F13A1: variants seen among roughly 807,000 people sequenced by gnomAD.
F13A1 encodes FSF, A subunit.
A neutral mutation model predicts 80.1 loss-of-function variants in F13A1; 47 were observed. That is an observed-to-expected ratio of 0.59 (90% CI 0.46 to 0.75). The LOEUF (loss-of-function observed/expected upper bound fraction) is 0.75. F13A1 is among the 30% of genes least tolerant of loss of function. The pLI is 0.00. For missense variants in F13A1, 817 were observed against 930.4 expected (o/e 0.88, Z 1.59); for synonymous variants, 349 against 344.9 (o/e 1.01, Z -0.13).
At chr6:6,147,792 A>G (rs1485150657) in intron 14 of F13A1, among the ~76,000 whole-genome samples, 4 of 152,262 alleles carry the variant, frequency 2.6e-5, no homozygotes, top group Admixed American at 2.6e-4. Flanking sequence ...ATACTCATAC[A>G]TGAAGATACG....
At chr6:6,173,075 G>A (rs1052778457) in intron 12 of F13A1, among the ~76,000 whole-genome samples, 2 of 151,982 alleles carry the variant, frequency 1.3e-5, no homozygotes, top group Admixed American at 1.3e-4. Flanking sequence ...CCAAAGTATC[G>A]AGGTCCTTTG....
intron 3 of F13A1, among the ~76,000 whole-genome samples, chr6:6,282,177 T>C (rs184389859): frequency 7.4e-4 from 113 of 152,290 alleles, no homozygotes; most frequent in African/African-American, 2.4e-3. Flanking sequence ...TTCTAAATAC[T>C]ACTTTCTATT....
intron 2 of F13A1, among the ~76,000 whole-genome samples, chr6:6,316,814 G>A (rs140089495): frequency 6.6e-6 from 1 of 152,154 alleles, no homozygotes; most frequent in Non-Finnish European, 1.5e-5. Flanking sequence ...AGTAGGCATT[G>A]CTTCCATTTT....
intron 13 of F13A1, among the ~76,000 whole-genome samples, chr6:6,153,492 T>C (rs551595079): frequency 7.1e-4 from 108 of 152,376 alleles, no homozygotes; most frequent in Admixed American, 6.9e-3. Flanking sequence ...TTTATGGCTA[T>C]GGGATTTCTT....
intron 4 of F13A1, among the ~76,000 whole-genome samples, chr6:6,252,312 G>T (rs569349235): frequency 7.1e-5 from 10 of 141,154 alleles, no homozygotes; most frequent in Non-Finnish European, 1.2e-4. Flanking sequence ...AATTAAAGAT[G>T]GTTCATTAGA....
chr6:6,290,383 A>C (rs1758206436), intron 3 of F13A1, among the ~76,000 whole-genome samples: 1 of 152,210 alleles, frequency 6.6e-6, no homozygotes, highest in African/African-American at 2.4e-5. Flanking sequence ...AATAGAGGTA[A>C]TATGCCTCTA....
intron 13 of F13A1, among the ~76,000 whole-genome samples, chr6:6,158,230 G>A (rs1165068889): frequency 6.6e-6 from 1 of 152,120 alleles, no homozygotes; most frequent in Non-Finnish European, 1.5e-5. Context: ...ACATAACTGA[G>A]GTGACTGGGA....
intron 2 of F13A1, 180 bp from the exon 3 acceptor site, chr6:6,305,719 T>C (rs938266235): frequency 9.3e-6 from 6 of 641,748 alleles, no homozygotes; most frequent in Non-Finnish European, 1.6e-5. Flanking sequence ...GTGACATTCT[T>C]GTTTTTGAAG....
At chr6:6,153,980 G>T (rs915358010) in intron 13 of F13A1, among the ~76,000 whole-genome samples, 1 of 152,122 alleles carries the variant, frequency 6.6e-6, no homozygotes, top group Non-Finnish European at 1.5e-5. Context: ...TAACTTGAAT[G>T]AGGATTTGAA....
rs139484210 is a variant in F13A1 at position 6,169,020 on chromosome 6, T to C, written c.1748-1402A>G. 1.6e-3 allele frequency among the ~76,000 whole-genome samples: 239 copies of C among 152,326 alleles called. 1 individual carries two copies. Among genetic ancestry groups the C allele is most frequent in the Admixed American group, 2.5e-3 (38 of 15,296 alleles). On this transcript the variant is annotated intron_variant, in intron 12 of 14. Transcript: ENST00000264870. ...AAGTGCTGTGCCTTGCTTCCAGGAC[T>C]TCTGATTGAAGAGTTCTCAGTCATG...
In F13A1 at chr6:6,222,146, T is replaced by G; in HGVS notation, c.999A>C (p.Ala333=). The G allele has an allele frequency of 6.2e-7, 1 of 1,614,100 alleles. No homozygotes were observed. The highest frequency in any genetic ancestry group is 8.5e-7 in the Non-Finnish European group (1 of 1,179,928). ...NTFLRCLGIP[A]RIVTNYFSAH... The stretch of plus-strand genomic sequence containing the variant: ...CAGAGAAATAATTGGTAACAATTCT[T>G]GCTGGTATTCCAAGGCATCGTAAAA... The change falls in exon 8 of 15, where the codon GCA becomes GCC. Residue 333 remains alanine (A), a synonymous_variant. Transcript: ENST00000264870.
chr6:6,290,181 A>G (rs1395584026), intron 3 of F13A1, among the ~76,000 whole-genome samples: 1 of 152,248 alleles, frequency 6.6e-6, no homozygotes, highest in Admixed American at 6.5e-5. Flanking sequence ...ATATCTGAAA[A>G]ATAAATATAA....
chr6:6,278,400 T>C lies in F13A1; in HGVS notation c.320-11591A>G, dbSNP rs544452882. Among the ~76,000 whole-genome samples the C allele has an allele frequency of 3.9e-5, 6 of 152,154 alleles. No individual in the cohort carries two copies. The South Asian group carries it at 1.2e-3, about 32-fold the overall frequency. On this transcript the variant is annotated intron_variant, in intron 3 of 14. Transcript: ENST00000264870. Reference sequence around the variant, plus strand: ...AAGAGACTTGAGAAAAGTGAGGGAATGAGCAGTGCAAATATCAGGGGACAG... The same window carrying C: ...AAGAGACTTGAGAAAAGTGAGGGAACGAGCAGTGCAAATATCAGGGGACAG...
In F13A1 at chr6:6,190,923, G is replaced by T. The variant is rs369537142; in HGVS notation, c.1305+4874C>A. Among the ~76,000 whole-genome samples, 348 of 148,784 alleles carry T rather than the reference G, an allele frequency of 2.3e-3. 1 individual carries two copies. The highest frequency in any genetic ancestry group is 7.9e-3 in the African/African-American group (315 of 40,104). ...CGAGCCAGGTGCGGGATATAATCTC[G>T]TGGTGCGCCGTTTTTTAAGCCCGTC... On this transcript the variant is annotated intron_variant, in intron 10 of 14. Coordinates refer to ENST00000264870, the MANE Select transcript of F13A1 (RefSeq NM_000129.4).
chr6:6,318,737 A>G, intron 1 of F13A1, 55 bp from the exon 2 acceptor site: 4 of 1,566,602 alleles, frequency 2.6e-6, no homozygotes, highest in Non-Finnish European at 3.5e-6. Flanking sequence ...AGTGAGTAAC[A>G]TTTGAGACAA....
At chr6:6,218,030 C>G (rs574646081) in intron 8 of F13A1, among the ~76,000 whole-genome samples, 2 of 152,254 alleles carry the variant, frequency 1.3e-5, no homozygotes, top group East Asian at 1.9e-4. Context: ...CACTGCTCCC[C>G]CTGTGGGTGG....
At chr6:6,272,886 T>C (rs1757941595) in intron 3 of F13A1, among the ~76,000 whole-genome samples, 1 of 152,194 alleles carries the variant, frequency 6.6e-6, no homozygotes, top group Non-Finnish European at 1.5e-5. Flanking sequence ...GAATAATAAA[T>C]TTTGTCATGC....
chr6:6,156,533 G>A (rs1019328281), intron 13 of F13A1, among the ~76,000 whole-genome samples: 3 of 152,184 alleles, frequency 2.0e-5, no homozygotes, highest in Admixed American at 6.5e-5. Flanking sequence ...TTTCAATCAT[G>A]TATTGCACGT....
chr6:6,179,289 T>C (rs1760937525), intron 11 of F13A1, among the ~76,000 whole-genome samples: 1 of 152,242 alleles, frequency 6.6e-6, no homozygotes, highest in South Asian at 2.1e-4. Context: ...TTCTTAATTA[T>C]ATATCTTGAA....
Sources: gnomAD v4.1 joint callset for allele counts (sites outside exome capture counted in the v4.1 genomes callset) on GRCh38, gnomAD v4.1.1 for gene constraint, MANE v1.5 for transcripts, NCBI Gene and HGNC (gene_info 2026-07-23, HGNC 2026-07-21) for gene names.